GLI3: variants seen among roughly 807,000 people sequenced by gnomAD.
The protein encoded by GLI3 is GLI family zinc finger 3.
GLI3 carries 20 observed loss-of-function variants against 100.8 expected under a neutral mutation model. That is an observed-to-expected ratio of 0.20 (90% CI 0.14 to 0.29). GLI3 has a LOEUF of 0.29. GLI3 is among the 10% of genes least tolerant of loss of function. GLI3 has a pLI of 1.00. For missense variants in GLI3, 2,040 were observed against 2,128.5 expected (o/e 0.96, Z 0.82); for synonymous variants, 938 against 860.5 (o/e 1.09, Z -1.58).
chr7:42,000,864 C>T (rs1022760393), intron 10 of GLI3, among the ~76,000 whole-genome samples: 1 of 152,006 alleles, frequency 6.6e-6, no homozygotes, highest in African/African-American at 2.4e-5. Context: ...TAAGTCACAA[C>T]AGAATTAAAC....
At chr7:41,970,287 T>C (rs1234630233) in intron 13 of GLI3, among the ~76,000 whole-genome samples, 1 of 152,110 alleles carries the variant, frequency 6.6e-6, no homozygotes, top group Admixed American at 6.5e-5. Flanking sequence ...AAAGACATGT[T>C]TTTTAAAGAA....
intron 2 of GLI3, among the ~76,000 whole-genome samples, chr7:42,218,497 C>A (rs1435844828): frequency 6.6e-6 from 1 of 151,030 alleles, no homozygotes; most frequent in Non-Finnish European, 1.5e-5. Context: ...CCTAACAACA[C>A]CCATGCAATG....
chr7:42,023,617 A>C lies in GLI3; in HGVS notation c.1357-9T>G. On this transcript the variant is annotated splice_polypyrimidine_tract_variant and intron_variant, in intron 9 of 14. Transcript: ENST00000395925. ...GTTCCTTCGGGCTGTTCCTGAAAGA[A>C]GAGGGTGGGGGGCAGGGAACAGAGA... The C allele has an allele frequency of 3.4e-5, 39 of 1,138,134 alleles. No individual in the cohort carries two copies. Among genetic ancestry groups the C allele is most frequent in the African/African-American group, 4.7e-5 (3 of 63,714 alleles). 70.5% of individuals were successfully genotyped at this position (1,138,134 alleles called of 1,614,324 possible).
At position 41,966,568 on chromosome 7, in the gene GLI3, C is replaced by T. The variant is rs754242757; in HGVS notation, c.2505G>A (p.Gly835=). The change falls in exon 15 of 15, where the codon GGG becomes GGA. Residue 835 remains glycine, a synonymous_variant. Transcript: ENST00000395925. The surrounding 1 kb of genome is among the most constrained non-coding windows in gnomAD (Gnocchi z 5.8). ...TLLPGRSDLS[G]VDVTMLNMLN... ...GCATGTTCAGCATAGTGACGTCCAC[C>T]CCAGAGAGGTCGCTTCTGCCCGGGA... The T allele has an allele frequency of 1.2e-6, 2 of 1,614,044 alleles. No individual in the cohort carries two copies. The highest frequency in any genetic ancestry group is 1.7e-6 in the Non-Finnish European group (2 of 1,179,984).
intron 3 of GLI3, among the ~76,000 whole-genome samples, chr7:42,080,423 T>C (rs950646275): frequency 1.3e-5 from 2 of 152,250 alleles, no homozygotes; most frequent in African/African-American, 4.8e-5. Flanking sequence ...ATGGATATGA[T>C]CTGATTTGAC....
chr7:42,061,945 G>A (rs1562709789), intron 4 of GLI3, among the ~76,000 whole-genome samples: 2 of 152,146 alleles, frequency 1.3e-5, no homozygotes, highest in Admixed American at 6.6e-5. Context: ...ACTTAACAAG[G>A]AGCTACAAAG....
At chr7:42,100,461 C>T (rs556941934) in intron 3 of GLI3, among the ~76,000 whole-genome samples, 166 of 152,042 alleles carry the variant, frequency 1.1e-3, no homozygotes, top group African/African-American at 2.9e-3. Flanking sequence ...TGTGGCTGGG[C>T]GTGGTGGCTC....
intron 1 of GLI3, among the ~76,000 whole-genome samples, chr7:42,231,860 G>A (rs1288909194): frequency 6.6e-6 from 1 of 150,868 alleles, no homozygotes; most frequent in Admixed American, 6.6e-5. Flanking sequence ...GTAATGTAAA[G>A]CACTCTGGAG....
chr7:42,191,148 A>G (rs1413725515), intron 2 of GLI3, among the ~76,000 whole-genome samples: 1 of 152,210 alleles, frequency 6.6e-6, no homozygotes, highest in African/African-American at 2.4e-5. Context: ...AAAGGAAAAT[A>G]AAAATATTAT....
intron 2 of GLI3, among the ~76,000 whole-genome samples, chr7:42,193,926 C>T (rs769949064): frequency 6.6e-6 from 1 of 152,184 alleles, no homozygotes; most frequent in Admixed American, 6.5e-5. Context: ...AAAACAGATA[C>T]CGCTAAAGCT....
intron 3 of GLI3, among the ~76,000 whole-genome samples, chr7:42,083,600 T>C (rs945058865): frequency 1.3e-5 from 2 of 152,188 alleles, no homozygotes; most frequent in Non-Finnish European, 2.9e-5. Flanking sequence ...TTATCCTTTA[T>C]GGAAAAAGGT....
intron 2 of GLI3, among the ~76,000 whole-genome samples, chr7:42,202,290 T>C (rs1013580482): frequency 6.6e-6 from 1 of 151,290 alleles, no homozygotes; most frequent in Non-Finnish European, 1.5e-5. Flanking sequence ...TCTCCAAAAA[T>C]CTGACCTCAC....
intron 1 of GLI3, among the ~76,000 whole-genome samples, chr7:42,245,845 G>A (rs6945383): frequency 7.3e-5 from 11 of 149,836 alleles, no homozygotes; most frequent in African/African-American, 2.2e-4. Context: ...GGATAGGATC[G>A]CAACAAACAT....
At chr7:42,215,478 T>G (rs1788358449) in intron 2 of GLI3, among the ~76,000 whole-genome samples, 2 of 152,110 alleles carry the variant, frequency 1.3e-5, no homozygotes, top group Admixed American at 1.3e-4. Flanking sequence ...AGAGGGAGAT[T>G]TTCCTCCCAT....
chr7:42,119,420 G>A (rs1424272309), intron 3 of GLI3, among the ~76,000 whole-genome samples: 1 of 152,142 alleles, frequency 6.6e-6, no homozygotes, highest in African/African-American at 2.4e-5. Context: ...CTAAGAATGT[G>A]AAACTGTCAA....
chr7:42,143,918 C>T (rs532382775), intron 3 of GLI3, among the ~76,000 whole-genome samples: 200 of 152,272 alleles, frequency 1.3e-3, no homozygotes, highest in African/African-American at 4.6e-3. Context: ...TCTTTCTGCT[C>T]CCTTTACCAA....
At chr7:42,179,171 T>A (rs1399045191) in intron 2 of GLI3, among the ~76,000 whole-genome samples, 1 of 151,254 alleles carries the variant, frequency 6.6e-6, no homozygotes, top group Non-Finnish European at 1.5e-5. Context: ...AAGAGGGGAG[T>A]TTCCCTGCAC....
At chr7:41,977,755 C>A (rs748737026) in intron 11 of GLI3, 33 bp from the exon 12 acceptor site, 8 of 1,600,920 alleles carry the variant, frequency 5.0e-6, no homozygotes, top group Non-Finnish European at 6.8e-6. Context: ...GATTACTCTG[C>A]ACAATGGCAA....
At chr7:42,036,759 A>T (rs1443804353) in intron 7 of GLI3, among the ~76,000 whole-genome samples, 1 of 152,226 alleles carries the variant, frequency 6.6e-6, no homozygotes, top group Non-Finnish European at 1.5e-5. Context: ...TAAATTAACA[A>T]GCAGGAAACT....
Sources: gnomAD v4.1 joint callset for allele counts (sites outside exome capture counted in the v4.1 genomes callset) on GRCh38, gnomAD v4.1.1 for gene constraint, Gnocchi (gnomAD v3.1) non-coding constraint, MANE v1.5 for transcripts, NCBI Gene and HGNC (gene_info 2026-07-23, HGNC 2026-07-21) for gene names.